TSC1: variants seen among roughly 807,000 people sequenced by gnomAD.
The protein encoded by TSC1 is hamartin.
Under a neutral mutation model 124.3 loss-of-function variants are expected in TSC1, and 20 were observed. The observed-to-expected ratio is 0.16, with a 90% CI of 0.11 to 0.23. TSC1 has a LOEUF of 0.23. Ranked by LOEUF, TSC1 falls within the 10% of genes least tolerant of loss-of-function variation. TSC1 has a pLI of 1.00. For synonymous variants in TSC1, 493 were observed against 539.1 expected (o/e 0.91, Z 1.19); for missense variants, 1,124 against 1,448.5 (o/e 0.78, Z 3.64).
chr9:132,919,924 T>C (rs752228687), intron 8 of TSC1, among the ~76,000 whole-genome samples: 29 of 152,286 alleles, frequency 1.9e-4, no homozygotes, highest in South Asian at 6.2e-4. Context: ...AAATTCCTAC[T>C]CTCCCTCCTC....
chr9:132,933,467 A>G (rs1459152327), intron 2 of TSC1, among the ~76,000 whole-genome samples: 1 of 152,182 alleles, frequency 6.6e-6, no homozygotes, highest in East Asian at 1.9e-4. Context: ...CAAAATAAGA[A>G]TAATTGCTAA....
intron 2 of TSC1, chr9:132,931,569 G>A (rs539934830): frequency 6.6e-6 from 1 of 152,254 alleles, no homozygotes; most frequent in South Asian, 2.1e-4. Context: ...TAATCTCCAG[G>A]AAAAATATAA....
Position 132,903,123 on chromosome 9 carries a change from G to T in TSC1, c.2209-336C>A, listed in dbSNP as rs1407393527. ...AACGATGAGCATTTACTGAATGCTT[G>T]CAGTGTGCTGGGCGCTCAGCAAGGG... On this transcript the variant is annotated intron_variant, in intron 17 of 22. Transcript: ENST00000298552. The surrounding 1 kb of genome is among the most constrained non-coding windows in gnomAD (Gnocchi z 5.9). 6.6e-6 allele frequency among the ~76,000 whole-genome samples: 1 copy of T among 152,240 alleles called. No individual in the cohort carries two copies. The highest frequency in any genetic ancestry group is 1.5e-5 in the Non-Finnish European group (1 of 68,042).
Position 132,910,983 on chromosome 9 carries a change from C to T in TSC1, c.1141+19G>A, listed in dbSNP as rs772553802. 6.2e-7 allele frequency: 1 copy of T among 1,609,256 alleles called. No homozygotes were observed. The highest frequency in any genetic ancestry group is 8.5e-7 in the Non-Finnish European group (1 of 1,175,584). On this transcript the variant is annotated intron_variant, in intron 11 of 22. Coordinates refer to ENST00000298552, the MANE Select transcript of TSC1 (RefSeq NM_000368.5). ...CAGGCCAAAACCAACTAATCAAATC[C>T]AACCTAAGACATACATACCAGTTGT...
rs1845678155 is a variant in TSC1 at position 132,906,490 on chromosome 9, A to C, written c.1438+241T>G. 1.9e-6 allele frequency: 1 copy of C among 532,704 alleles called. No individual in the cohort carries two copies. The highest frequency in any genetic ancestry group is 3.4e-5 in the East Asian group (1 of 29,508). The allele number at this position is 532,704 out of a possible 1,614,324, so 33.0% of individuals were successfully genotyped here. A position where few individuals can be genotyped will look rare whatever the true frequency, so the allele number is the denominator to read the frequency against. On this transcript the variant is annotated intron_variant, in intron 14 of 22. Coordinates refer to ENST00000298552, the MANE Select transcript of TSC1 (RefSeq NM_000368.5). The surrounding 1 kb of genome is among the most constrained non-coding windows in gnomAD (Gnocchi z 4.1). ...CTTGAGCCTGGGAGGTCAAGGCTGC[A>C]GTGAGCCATGATCGTACCACTGCAC... is the stretch of plus-strand genomic sequence containing the variant.
rs1242311755 is a variant in TSC1 at position 132,925,601 on chromosome 9, G to A, written c.349C>T (p.Leu117=). ...AAACATCCTACCTTGAGACATTTTA[G>A]TAAAGAAGGCAAAAGAGGTGCTTGA... is the stretch of plus-strand genomic sequence containing the variant. The part of the protein sequence containing the change: ...LSQAPLLPSL[L]KCLKMDTDVV... Residue 117 remains leucine, a synonymous_variant, in exon 5 of 23, where the codon CTA becomes TTA. Transcript: ENST00000298552. 1 of 1,614,216 alleles carries A rather than the reference G, an allele frequency of 6.2e-7. No individual in the cohort carries two copies.
chr9:132,942,015 G>A (rs896226204), intron 1 of TSC1: 5 of 152,076 alleles, frequency 3.3e-5, no homozygotes, highest in East Asian at 1.9e-4. Context: ...TTGGCTCATC[G>A]GCATTCAAGA....
chr9:132,896,663 G>T lies in TSC1; in HGVS notation c.3067C>A (p.Pro1023Thr), dbSNP rs138445573. ...CCACTACTGCCCCGGGCGCTGCTGG[G>T]CCTGGGGGTCTTGGTCTCACCGTTG... The part of the protein sequence containing the change: ...GHNGETKTPR[P>T]SSARGSSGSR... The change falls in exon 23 of 23, where the codon CCC (proline) becomes ACC (threonine). Residue 1023 changes from proline to threonine, a missense_variant. By Grantham distance (38) the Pro-to-Thr change is conservative. Coordinates refer to ENST00000298552, the MANE Select transcript of TSC1 (RefSeq NM_000368.5). The surrounding 1 kb of genome is among the most constrained non-coding windows in gnomAD (Gnocchi z 4.5). 1 of 1,613,960 alleles carries T rather than the reference G, an allele frequency of 6.2e-7. No homozygotes were observed. Among genetic ancestry groups the T allele is most frequent in the Non-Finnish European group, 8.5e-7 (1 of 1,180,030 alleles).
chr9:132,910,584 G>T lies in TSC1; in HGVS notation c.1250C>A (p.Thr417Lys), dbSNP rs77464996. ...GCTGGATCGCACCTTCCTGGGGGGT[G>T]TGACTGTGGCCTGGGGGAGTGAAAT... ...VHISLPQATVTPPRKEERMDS... is the reference protein window; with the variant it reads ...VHISLPQATVKPPRKEERMDS... The change falls in exon 12 of 23, where the codon ACA (threonine) becomes AAA (lysine). Residue 417 changes from threonine to lysine, a missense_variant. Physicochemically the swap from Thr to Lys is moderately conservative, Grantham distance 78. Coordinates refer to ENST00000298552, the MANE Select transcript of TSC1 (RefSeq NM_000368.5). 5.0e-6 allele frequency: 8 copies of T among 1,614,104 alleles called. No homozygotes were observed. Among genetic ancestry groups the T allele is most frequent in the Non-Finnish European group, 6.8e-6 (8 of 1,180,040 alleles).
In TSC1 at chr9:132,928,966, A is replaced by C; in HGVS notation, c.-80-14T>G. 6.3e-7 allele frequency: 1 copy of C among 1,580,786 alleles called. No individual in the cohort carries two copies. The highest frequency in any genetic ancestry group is 2.3e-5 in the East Asian group (1 of 43,498). On this transcript the variant is annotated splice_polypyrimidine_tract_variant and intron_variant, in intron 2 of 22. Transcript: ENST00000298552. ...GCCACTACCAAACTGAGAAAAAGGA[A>C]GATGAACAGTCACTAAATGGCCCCA...
rs2131834833 is a variant in TSC1 at position 132,905,920 on chromosome 9, G to A, written c.1658C>T (p.Thr553Ile). ...ACTGCCGCAGGGCAGGTCTATGGGA[G>A]TAAAGGCTTGCTTTGGTGTGTCAGG... ...LGPDTPKQAF[T>I]PIDLPCGSAD... The change falls in exon 15 of 23, where the codon ACT (threonine) becomes ATT (isoleucine). Residue 553 changes from threonine to isoleucine, a missense_variant. By Grantham distance (89) the Thr-to-Ile change is moderately conservative. This residue lies in a region of TSC1 where 321 missense variants were observed against 397.4 expected (regional missense o/e 0.81). Coordinates refer to ENST00000298552, the MANE Select transcript of TSC1 (RefSeq NM_000368.5). The A allele has an allele frequency of 6.2e-7, 1 of 1,613,536 alleles. No individual in the cohort carries two copies. The highest frequency in any genetic ancestry group is 8.5e-7 in the Non-Finnish European group (1 of 1,179,484).
chr9:132,918,382 G>A (rs1184579528), intron 8 of TSC1, among the ~76,000 whole-genome samples: 1 of 152,194 alleles, frequency 6.6e-6, no homozygotes, highest in African/African-American at 2.4e-5. Context: ...GCAGCAGGTA[G>A]ACAAGGGGAG....
rs3747822 is a variant in TSC1, at chr9:132,933,998, T to C, written c.-81+1035A>G. ...GAAAACTTTCCCTACTTGAGAACAATACTTAACTTTCGACAGTCTACAATT... is the reference window on the plus strand; with the variant it reads ...GAAAACTTTCCCTACTTGAGAACAACACTTAACTTTCGACAGTCTACAATT... On this transcript the variant is annotated intron_variant, in intron 2 of 22. Coordinates refer to ENST00000298552, the MANE Select transcript of TSC1 (RefSeq NM_000368.5). Among the ~76,000 whole-genome samples the C allele has an allele frequency of 6.4e-4, 97 of 152,280 alleles. 1 individual carries two copies. The East Asian group carries it at 0.015, about 24-fold the overall frequency.
chr9:132,931,666 T>C (rs1453073131), intron 2 of TSC1, among the ~76,000 whole-genome samples: 1 of 152,234 alleles, frequency 6.6e-6, no homozygotes, highest in Admixed American at 6.5e-5. Flanking sequence ...AAGAGTTAAA[T>C]CATAGCTTTT....
chr9:132,906,238 C>CA lies in TSC1; in HGVS notation c.1439-100dup. 7.4e-7 allele frequency: 1 copy of CA among 1,359,936 alleles called. No homozygotes were observed. The highest frequency in any genetic ancestry group is 2.4e-5 in the East Asian group (1 of 40,850). The allele number at this position is 1,359,936 out of a possible 1,614,324, so 84.2% of individuals were successfully genotyped here. On this transcript the variant is annotated intron_variant, in intron 14 of 22. Transcript: ENST00000298552. The surrounding 1 kb of genome is among the most constrained non-coding windows in gnomAD (Gnocchi z 4.1). ...CATGCTGCCACATGCCAGTGTCACT[C>CA]AGAGAGAGGAGAAAAAGTGGCATCC...
At chr9:132,916,826 T>G (rs371793668) in intron 8 of TSC1, among the ~76,000 whole-genome samples, 2 of 152,344 alleles carry the variant, frequency 1.3e-5, no homozygotes, top group African/African-American at 4.8e-5. Context: ...CTCTCAGCAC[T>G]GCCTGTTATC....
At chr9:132,898,300 A>G (rs1448822513) in intron 20 of TSC1, among the ~76,000 whole-genome samples, 4 of 152,254 alleles carry the variant, frequency 2.6e-5, no homozygotes, top group Non-Finnish European at 5.9e-5. Context: ...CTTGAAACCC[A>G]GAGCAAGTAC....
rs910930441 is a variant in TSC1, at chr9:132,892,074, T to C, written c.*4161A>G. ...AGGTGCTCGGCTCTTCCAGGCAGGC[T>C]TCCCTTGTAGCTACAGCTACTCTTC... On this transcript the variant is annotated 3_prime_UTR_variant, in exon 23 of 23. Transcript: ENST00000298552. The C allele has an allele frequency of 1.3e-5, 3 of 233,056 alleles. No individual in the cohort carries two copies. Among genetic ancestry groups the C allele is most frequent in the Non-Finnish European group, 2.5e-5 (3 of 117,972 alleles). The allele number at this position is 233,056 out of a possible 1,614,324, so 14.4% of individuals were successfully genotyped here. A position where few individuals can be genotyped will look rare whatever the true frequency, so the allele number is the denominator to read the frequency against.
At chr9:132,942,932 G>A (rs1179693146) in intron 1 of TSC1, among the ~76,000 whole-genome samples, 2 of 151,766 alleles carry the variant, frequency 1.3e-5, no homozygotes, top group East Asian at 1.9e-4. Flanking sequence ...ACTGTTAAAG[G>A]TGCATTTCCC....
Sources: gnomAD v4.1 joint callset for allele counts (sites outside exome capture counted in the v4.1 genomes callset) on GRCh38, gnomAD v4.1.1 for gene constraint, gnomAD v4.1.1 regional missense constraint, Gnocchi (gnomAD v3.1) non-coding constraint, MANE v1.5 for transcripts, NCBI Gene and HGNC (gene_info 2026-07-23, HGNC 2026-07-21) for gene names.